Variants in BRINP3 observed in about 807,000 individuals in gnomAD.
BRINP3 encodes BMP/retinoic acid inducible neural specific 3.
In BRINP3, 19 loss-of-function variants were observed where a neutral mutation model predicts 71.0. That is an observed-to-expected ratio of 0.27 (90% CI 0.19 to 0.39). The LOEUF (loss-of-function observed/expected upper bound fraction) is 0.39. Among genes scored for constraint, BRINP3 ranks in the 10% least tolerant of loss-of-function variants. The pLI, the probability that BRINP3 is intolerant of heterozygous loss-of-function variation, is 1.00. For synonymous variants in BRINP3, 380 were observed against 337.7 expected (o/e 1.13, Z -1.37); for missense variants, 959 against 940.8 (o/e 1.02, Z -0.25).
intron 2 of BRINP3, among the ~76,000 whole-genome samples, chr1:190,289,617 T>A (rs1663702719): frequency 6.6e-6 from 1 of 151,998 alleles, no homozygotes; most frequent in African/African-American, 2.4e-5. Context: ...AACAGGTAAT[T>A]TCATCTTTCT....
At chr1:190,412,846 G>A in intron 2 of BRINP3, among the ~76,000 whole-genome samples, 1 of 151,936 alleles carries the variant, frequency 6.6e-6, no homozygotes, top group African/African-American at 2.4e-5. Flanking sequence ...TGCATAATGT[G>A]GGTTAAAAGT....
chr1:190,330,188 A>C (rs905423852), intron 2 of BRINP3, among the ~76,000 whole-genome samples: 52 of 152,074 alleles, frequency 3.4e-4, no homozygotes, highest in African/African-American at 1.2e-3. Context: ...GATCAACAGA[A>C]TAAATAAAAA....
At chr1:190,253,729 C>T (rs1660372744) in intron 4 of BRINP3, among the ~76,000 whole-genome samples, 1 of 152,110 alleles carries the variant, frequency 6.6e-6, no homozygotes, top group Admixed American at 6.5e-5. Context: ...TGTAGGTTGT[C>T]TGTTTAGTCT....
At chr1:190,459,214 G>T (rs1676218233) in intron 1 of BRINP3, among the ~76,000 whole-genome samples, 1 of 149,932 alleles carries the variant, frequency 6.7e-6, no homozygotes, top group South Asian at 2.1e-4. Flanking sequence ...TTGACAATCT[G>T]TGCAGAAATA....
chr1:190,446,975 A>C (rs1675259250), intron 2 of BRINP3, among the ~76,000 whole-genome samples: 1 of 151,960 alleles, frequency 6.6e-6, no homozygotes, highest in South Asian at 2.1e-4. Context: ...AAAGTGTATA[A>C]AATTAAATAA....
chr1:190,451,427 A>G (rs1399697646), intron 2 of BRINP3, among the ~76,000 whole-genome samples: 2 of 152,336 alleles, frequency 1.3e-5, no homozygotes, highest in East Asian at 3.9e-4. Context: ...ACAGGCTTAC[A>G]GCCTGAGGAT....
chr1:190,098,967 G>C lies in BRINP3; in HGVS notation c.1352C>G (p.Thr451Arg). The change falls in exon 8 of 8, where the codon ACA becomes AGA. Residue 451 changes from threonine to arginine, a missense_variant. By Grantham distance (71) the Thr-to-Arg change is moderately conservative (BLOSUM62 -1). Coordinates refer to ENST00000367462, the MANE Select transcript of BRINP3 (RefSeq NM_199051.3). The part of the protein sequence containing the change: ...CTVGDASACL[T>R]CAPDNRTRCG... ...GCGGGTGCGGTTGTCTGGTGCGCAT[G>C]TCAGGCAGGCAGAGGCGTCTCCCAC... is the stretch of plus-strand genomic sequence containing the variant. The C allele has an allele frequency of 6.2e-7, 1 of 1,614,180 alleles. No individual in the cohort carries two copies. The highest frequency in any genetic ancestry group is 1.1e-5 in the South Asian group (1 of 91,086).
intron 2 of BRINP3, among the ~76,000 whole-genome samples, chr1:190,414,338 T>C (rs370162371): frequency 4.2e-5 from 6 of 142,646 alleles, no homozygotes; most frequent in South Asian, 2.2e-4. Flanking sequence ...AATCACTGTG[T>C]TTTTTTTTTG....
intron 7 of BRINP3, among the ~76,000 whole-genome samples, chr1:190,121,528 A>G (rs974144319): frequency 2.6e-5 from 4 of 152,196 alleles, no homozygotes; most frequent in African/African-American, 7.2e-5. Flanking sequence ...TGCAGAAGTA[A>G]ATAATATTTC....
At chr1:190,365,998 T>G (rs915272514) in intron 2 of BRINP3, among the ~76,000 whole-genome samples, 1 of 151,818 alleles carries the variant, frequency 6.6e-6, no homozygotes, top group Middle Eastern at 3.2e-3. Context: ...CCCTGAGGCA[T>G]AAAGAATCAT....
chr1:190,266,998 C>T (rs890296029), intron 3 of BRINP3, among the ~76,000 whole-genome samples: 26 of 152,096 alleles, frequency 1.7e-4, no homozygotes, highest in African/African-American at 5.3e-4. Context: ...AAACTTGCAA[C>T]GTTGCTTTAA....
At chr1:190,282,010 T>G (rs1212999549) in intron 2 of BRINP3, among the ~76,000 whole-genome samples, 2 of 151,854 alleles carry the variant, frequency 1.3e-5, no homozygotes, top group Admixed American at 6.6e-5. Flanking sequence ...AAATATATTT[T>G]CATAAAAACG....
chr1:190,217,402 C>T (rs1365668705), intron 6 of BRINP3, among the ~76,000 whole-genome samples: 4 of 151,780 alleles, frequency 2.6e-5, no homozygotes, highest in Non-Finnish European at 5.9e-5. Context: ...ATTACATGTG[C>T]TCTTTCATAT....
intron 7 of BRINP3, among the ~76,000 whole-genome samples, chr1:190,120,469 C>T (rs1435923127): frequency 2.6e-5 from 4 of 151,576 alleles, no homozygotes; most frequent in African/African-American, 9.7e-5. Flanking sequence ...TTTTACAAAC[C>T]TACTTTTTAA....
At chr1:190,462,669 G>A (rs756238327) in intron 1 of BRINP3, among the ~76,000 whole-genome samples, 5 of 152,018 alleles carry the variant, frequency 3.3e-5, no homozygotes, top group Non-Finnish European at 5.9e-5. Flanking sequence ...AGCATTTCAC[G>A]AAATTTTCTT....
At chr1:190,379,265 G>A (rs1250560253) in intron 2 of BRINP3, among the ~76,000 whole-genome samples, 2 of 152,082 alleles carry the variant, frequency 1.3e-5, no homozygotes, top group Non-Finnish European at 2.9e-5. Flanking sequence ...TGTTTATTGA[G>A]GAAGTACCAG....
chr1:190,353,545 G>T (rs1395361173), intron 2 of BRINP3, among the ~76,000 whole-genome samples: 1 of 151,974 alleles, frequency 6.6e-6, no homozygotes, highest in African/African-American at 2.4e-5. Flanking sequence ...ACTGAAACAC[G>T]ATTATAAAAA....
intron 2 of BRINP3, among the ~76,000 whole-genome samples, chr1:190,446,466 GA>G (rs1302272751): frequency 2.0e-5 from 3 of 151,950 alleles, no homozygotes; most frequent in Non-Finnish European, 4.4e-5. Context: ...ATTGGTGGGG[GA>G]AAGATAAGTA....
intron 1 of BRINP3, chr1:190,476,117 G>C (rs967955084): frequency 1.3e-5 from 2 of 152,090 alleles, no homozygotes; most frequent in Non-Finnish European, 2.9e-5. Flanking sequence ...ATCCCGAGAC[G>C]GGGGGATGGG....
Sources: gnomAD v4.1 joint callset for allele counts (sites outside exome capture counted in the v4.1 genomes callset) on GRCh38, gnomAD v4.1.1 for gene constraint, MANE v1.5 for transcripts, NCBI Gene and HGNC (gene_info 2026-07-23, HGNC 2026-07-21) for gene names.